Variants in HIVEP3 observed in about 807,000 individuals in gnomAD.
The protein encoded by HIVEP3 is transcription factor HIVEP3.
A neutral mutation model predicts 152.8 loss-of-function variants in HIVEP3; 49 were observed. The ratio of observed to expected loss-of-function variants is 0.32; its 90% CI spans 0.26 to 0.41. The LOEUF (loss-of-function observed/expected upper bound fraction) is 0.41, where lower values mean the gene tolerates loss of function less well. Among genes scored for constraint, HIVEP3 ranks in the 10% least tolerant of loss-of-function variants. The pLI is 1.00. For synonymous variants in HIVEP3, 1,269 were observed against 1,289.0 expected (o/e 0.98, Z 0.33); for missense variants, 2,790 against 3,103.3 (o/e 0.90, Z 2.40).
In HIVEP3 at chr1:41,647,631, T is replaced by C. The variant is rs180674402; in HGVS notation, c.-720-18684A>G. Among the ~76,000 whole-genome samples, 308 of 152,220 alleles carry C rather than the reference T, an allele frequency of 2.0e-3. 1 individual carries two copies. The highest frequency in any genetic ancestry group is 3.7e-3 in the Non-Finnish European group (250 of 68,018). On this transcript the variant is annotated intron_variant, in intron 2 of 8. Transcript: ENST00000372583. ...CTGAGGCCTTGGGGAACACTCCTCC[T>C]GCAGCCTGGCTCCAGCAGGGGGAAC...
intron 1 of HIVEP3, among the ~76,000 whole-genome samples, chr1:41,710,831 C>T (rs1646502547): frequency 1.3e-5 from 2 of 152,222 alleles, no homozygotes; most frequent in African/African-American, 4.8e-5. Context: ...CTGATCATAG[C>T]TTCTTAAGGA....
At chr1:41,527,501 ACAC>A (rs1643028171) in intron 5 of HIVEP3, among the ~76,000 whole-genome samples, 1 of 99,986 alleles carries the variant, frequency 1.0e-5, no homozygotes, top group Non-Finnish European at 2.0e-5. Flanking sequence ...ACCCTCACAC[ACAC>A]TCACACACCC....
rs1056757750 is a variant in HIVEP3 at position 41,564,408 on chromosome 1, C to G, written c.5207+11136G>C. Reference sequence around the variant, plus strand: ...GAGGAGAGGAGATAATCAAAGAACTCAAGACATTTTCTTAAAGCAGAAGTC... The same window carrying G: ...GAGGAGAGGAGATAATCAAAGAACTGAAGACATTTTCTTAAAGCAGAAGTC... On this transcript the variant is annotated intron_variant, in intron 5 of 8. Coordinates refer to ENST00000372583, the MANE Select transcript of HIVEP3 (RefSeq NM_024503.5). 9.9e-5 allele frequency among the ~76,000 whole-genome samples: 15 copies of G among 152,102 alleles called. No individual in the cohort carries two copies. In the East Asian group the frequency reaches 2.7e-3, roughly 27 times the overall value.
chr1:42,019,624 T>C (rs114921854), intron 1 of HIVEP3, among the ~76,000 whole-genome samples: 2,443 of 152,122 alleles, frequency 0.016, 40 homozygotes, highest in Non-Finnish European at 0.021. Context: ...TTAATTCTAA[T>C]AGTTTATCTA....
At chr1:42,031,418 A>G (rs1229712666) in intron 1 of HIVEP3, among the ~76,000 whole-genome samples, 1 of 151,854 alleles carries the variant, frequency 6.6e-6, no homozygotes. Flanking sequence ...ATTTGCTCCT[A>G]GTAAGGTTTT....
chr1:41,698,757 C>G (rs1041312641), intron 2 of HIVEP3, among the ~76,000 whole-genome samples: 3 of 152,164 alleles, frequency 2.0e-5, no homozygotes, highest in East Asian at 1.9e-4. Context: ...GCCCCACCCC[C>G]CACAATGCTT....
intron 1 of HIVEP3, among the ~76,000 whole-genome samples, chr1:41,964,222 T>G (rs1235961592): frequency 6.6e-6 from 1 of 152,016 alleles, no homozygotes; most frequent in Non-Finnish European, 1.5e-5. Flanking sequence ...ATCTATGTTC[T>G]CTCATTGGGA....
chr1:41,873,348 A>G lies in HIVEP3; in HGVS notation c.-801+45065T>C, dbSNP rs1644115339. ...CACTAGGCCCCGGGGACATGCACTC[A>G]GCTGGCCCAGGCACCGATAACCTAG... is the stretch of plus-strand genomic sequence containing the variant. On this transcript the variant is annotated intron_variant, in intron 1 of 8. Transcript: ENST00000372583. This position sits in a 1 kb window ranked among gnomAD's most constrained non-coding sequence, Gnocchi z 4.2. Among the ~76,000 whole-genome samples the G allele has an allele frequency of 6.6e-6, 1 of 152,240 alleles. No homozygotes were observed. The highest frequency in any genetic ancestry group is 6.5e-5 in the Admixed American group (1 of 15,286).
chr1:41,900,797 G>C (rs1248210878), intron 1 of HIVEP3, among the ~76,000 whole-genome samples: 1 of 152,210 alleles, frequency 6.6e-6, no homozygotes, highest in Non-Finnish European at 1.5e-5. Context: ...TCATCTGTTA[G>C]GAAGGCTGAA....
chr1:41,690,872 C>T (rs1357348218), intron 2 of HIVEP3, among the ~76,000 whole-genome samples: 1 of 152,120 alleles, frequency 6.6e-6, no homozygotes, highest in African/African-American at 2.4e-5. Context: ...GAGCCGAGAT[C>T]GCTCCATTGC....
chr1:41,572,564 T>A (rs894048146), intron 5 of HIVEP3, among the ~76,000 whole-genome samples: 4 of 152,192 alleles, frequency 2.6e-5, no homozygotes, highest in African/African-American at 9.7e-5. Context: ...CACCTTGGTG[T>A]AGTCCCCAAG....
intron 1 of HIVEP3, among the ~76,000 whole-genome samples, chr1:42,017,376 A>G (rs1645529289): frequency 6.6e-6 from 1 of 152,098 alleles, no homozygotes; most frequent in South Asian, 2.1e-4. Context: ...AGCTTGATGA[A>G]TTTTCACAAA....
chr1:42,027,745 G>A (rs192592131), intron 1 of HIVEP3, among the ~76,000 whole-genome samples: 28 of 152,302 alleles, frequency 1.8e-4, no homozygotes, highest in Admixed American at 1.4e-3. Context: ...AAATCATGGC[G>A]GGAGGTAAAA....
chr1:41,663,466 G>A (rs971470839), intron 2 of HIVEP3, among the ~76,000 whole-genome samples: 2 of 152,208 alleles, frequency 1.3e-5, no homozygotes, highest in African/African-American at 4.8e-5. Context: ...TTTCCAGGGG[G>A]ATCCTTGGAG....
At chr1:41,520,590 C>A (rs1229011784) in intron 6 of HIVEP3, among the ~76,000 whole-genome samples, 1 of 152,176 alleles carries the variant, frequency 6.6e-6, no homozygotes, top group East Asian at 1.9e-4. Context: ...CAGGCCCACC[C>A]TACCCTGACT....
intron 1 of HIVEP3, among the ~76,000 whole-genome samples, chr1:41,925,143 A>G (rs1359705106): frequency 1.3e-5 from 2 of 152,236 alleles, no homozygotes; most frequent in Admixed American, 1.3e-4. Flanking sequence ...GTAAAAACAA[A>G]ACAAAACAAA....
chr1:41,628,777 C>A lies in HIVEP3; in HGVS notation c.-550G>T. 8.1e-7 allele frequency: 1 copy of A among 1,232,172 alleles called. No individual in the cohort carries two copies. The highest frequency in any genetic ancestry group is 3.2e-5 in the East Asian group (1 of 31,706). 76.3% of individuals were successfully genotyped at this position (1,232,172 alleles called of 1,614,324 possible). A position where few individuals can be genotyped will look rare whatever the true frequency, so the allele number is the denominator to read the frequency against. Reference sequence around the variant, plus strand: ...TGCTGAAGGCACCACTTCCGATGACCAAAACTGAAACGCTGTTCTCTCTGA... The same window carrying A: ...TGCTGAAGGCACCACTTCCGATGACAAAAACTGAAACGCTGTTCTCTCTGA... On this transcript the variant is annotated 5_prime_UTR_variant, in exon 3 of 9. Coordinates refer to ENST00000372583, the MANE Select transcript of HIVEP3 (RefSeq NM_024503.5).
intron 5 of HIVEP3, among the ~76,000 whole-genome samples, 180 bp from the exon 6 acceptor site, chr1:41,525,090 C>T (rs1398428062): frequency 1.3e-5 from 2 of 152,174 alleles, no homozygotes; most frequent in Non-Finnish European, 2.9e-5. Flanking sequence ...TGATCCACTG[C>T]GGACCCCTGC....
intron 3 of HIVEP3, among the ~76,000 whole-genome samples, chr1:41,624,087 C>A (rs1436854879): frequency 6.6e-6 from 1 of 152,168 alleles, no homozygotes; most frequent in Non-Finnish European, 1.5e-5. Context: ...ACATGGCCTC[C>A]CTGGGTTGCG....
Sources: allele counts gnomAD v4.1 joint callset (sites outside exome capture counted in the v4.1 genomes callset), GRCh38; gene constraint gnomAD v4.1.1; non-coding constraint Gnocchi (gnomAD v3.1); transcripts MANE v1.5; gene names NCBI Gene and HGNC (gene_info 2026-07-23, HGNC 2026-07-21).